GATAD2A: variants seen among roughly 807,000 people sequenced by gnomAD.
The protein encoded by GATAD2A is GATA zinc finger domain containing 2A.
GATAD2A carries 12 observed loss-of-function variants against 68.5 expected under a neutral mutation model. The ratio of observed to expected loss-of-function variants is 0.18; its 90% confidence interval spans 0.11 to 0.28. The LOEUF (loss-of-function observed/expected upper bound fraction) is 0.28. GATAD2A is among the 10% of genes least tolerant of loss of function. The pLI, the probability that GATAD2A is intolerant of heterozygous loss-of-function variation, is 1.00. For missense variants in GATAD2A, 755 were observed against 868.5 expected (o/e 0.87, Z 1.64); for synonymous variants, 410 against 375.3 (o/e 1.09, Z -1.07).
At chr19:19,453,395 C>G (rs1866718783) in intron 1 of GATAD2A, among the ~76,000 whole-genome samples, 1 of 152,310 alleles carries the variant, frequency 6.6e-6, no homozygotes, top group South Asian at 2.1e-4. Flanking sequence ...AGCAAGCTGT[C>G]TTGTCTGCAC....
At chr19:19,425,599 C>G (rs2052980959) in intron 1 of GATAD2A, among the ~76,000 whole-genome samples, 1 of 152,160 alleles carries the variant, frequency 6.6e-6, no homozygotes, top group African/African-American at 2.4e-5. Flanking sequence ...AATGCCCGCT[C>G]TCTTGTTCCA....
chr19:19,388,276 C>T (rs1260184286), intron 1 of GATAD2A, among the ~76,000 whole-genome samples: 1 of 152,020 alleles, frequency 6.6e-6, no homozygotes, highest in Non-Finnish European at 1.5e-5. Context: ...AGGGTGGTCT[C>T]GAACTCCCAA....
intron 2 of GATAD2A, among the ~76,000 whole-genome samples, chr19:19,475,700 G>A (rs1488233636): frequency 1.2e-4 from 19 of 152,152 alleles, no homozygotes; most frequent in Admixed American, 1.2e-3. Flanking sequence ...AATCTGTTTT[G>A]TGCTCCCTTC....
At chr19:19,496,299 A>G (rs2060143962) in intron 7 of GATAD2A, 80 bp downstream of exon 7, 1 of 1,303,694 alleles carries the variant, frequency 7.7e-7, no homozygotes, top group Admixed American at 1.7e-5. Context: ...GTTCTGGGGC[A>G]CAGTAGTGTT....
At chr19:19,496,593 T>C (rs1256300575) in intron 7 of GATAD2A, among the ~76,000 whole-genome samples, 1 of 152,188 alleles carries the variant, frequency 6.6e-6, no homozygotes. Context: ...GGCCCGGAGA[T>C]GCCTTGGGGG....
rs1364446709 is a variant in GATAD2A at position 19,406,538 on chromosome 19, A to T, written c.-7+519A>T. ...ACGCCTGGAGGGCCGGCCCTCCCCC[A>T]GCTCGCGCCCTTCCTGCCTAACCCC... On this transcript the variant is annotated intron_variant, in intron 1 of 11. Coordinates refer to ENST00000683918, the MANE Select transcript of GATAD2A (RefSeq NM_001384528.1). Among the ~76,000 whole-genome samples the T allele has an allele frequency of 4.6e-5, 7 of 152,006 alleles. 1 individual carries two copies. Among genetic ancestry groups the T allele is most frequent in the Admixed American group, 3.9e-4 (6 of 15,276 alleles).
chr19:19,465,722 T>G, intron 2 of GATAD2A, 108 bp downstream of exon 2: 24 of 1,302,670 alleles, frequency 1.8e-5, no homozygotes, highest in Non-Finnish European at 2.3e-5. Flanking sequence ...TTGGCGGGGT[T>G]GTGGAGAGGG....
At chr19:19,422,998 A>T (rs887770265) in intron 1 of GATAD2A, among the ~76,000 whole-genome samples, 2 of 152,054 alleles carry the variant, frequency 1.3e-5, no homozygotes, top group African/African-American at 4.8e-5. Context: ...GGCGTGAGCC[A>T]CTGCGCCCGG....
intron 1 of GATAD2A, among the ~76,000 whole-genome samples, chr19:19,422,255 A>G (rs903336074): frequency 3.9e-5 from 6 of 152,162 alleles, no homozygotes; most frequent in African/African-American, 1.4e-4. Flanking sequence ...AGCATATTTC[A>G]AGGCTCTGGG....
chr19:19,480,165 G>T (rs1330088648), intron 2 of GATAD2A, among the ~76,000 whole-genome samples: 3 of 152,128 alleles, frequency 2.0e-5, no homozygotes, highest in Non-Finnish European at 4.4e-5. Flanking sequence ...TGAATTGTCT[G>T]CATAAATTAT....
chr19:19,486,212 C>A lies in GATAD2A; in HGVS notation c.270-6094C>A, dbSNP rs137965558. On this transcript the variant is annotated intron_variant, in intron 2 of 11. Transcript: ENST00000683918. ...GCTCTGTAATGGGCTCCCACTCTTTCCTCAGAAAGCTGTCAGGTCAGGCAG... is the reference window on the plus strand; with the variant it reads ...GCTCTGTAATGGGCTCCCACTCTTTACTCAGAAAGCTGTCAGGTCAGGCAG... 2.3e-4 allele frequency among the ~76,000 whole-genome samples: 35 copies of A among 152,348 alleles called. 1 individual carries two copies. Among genetic ancestry groups the A allele is most frequent in the African/African-American group, 7.7e-4 (32 of 41,574 alleles).
chr19:19,425,395 C>T (rs2052958860), intron 1 of GATAD2A, among the ~76,000 whole-genome samples: 1 of 152,110 alleles, frequency 6.6e-6, no homozygotes, highest in African/African-American at 2.4e-5. Context: ...TAGAGTCATC[C>T]CAAGAGGACT....
At chr19:19,491,308 C>T (rs1055818622) in intron 2 of GATAD2A, among the ~76,000 whole-genome samples, 3 of 152,116 alleles carry the variant, frequency 2.0e-5, no homozygotes, top group Non-Finnish European at 4.4e-5. Context: ...CCCGATTGTC[C>T]CCTGGTGCTT....
At chr19:19,388,267 G>A (rs1214324621) in intron 1 of GATAD2A, among the ~76,000 whole-genome samples, 3 of 152,054 alleles carry the variant, frequency 2.0e-5, no homozygotes, top group Non-Finnish European at 4.4e-5. Context: ...ATGTGGGTCA[G>A]GGTGGTCTCG....
At chr19:19,466,200 G>C (rs1397861750) in intron 2 of GATAD2A, among the ~76,000 whole-genome samples, 2 of 152,214 alleles carry the variant, frequency 1.3e-5, no homozygotes, top group Non-Finnish European at 2.9e-5. Flanking sequence ...CCTTTTATGA[G>C]TCTCTTAAGG....
intron 1 of GATAD2A, among the ~76,000 whole-genome samples, chr19:19,456,560 T>A (rs186008843): frequency 1.3e-5 from 2 of 152,338 alleles, no homozygotes; most frequent in East Asian, 3.9e-4. Flanking sequence ...CTAACCCTTA[T>A]GTCCATAAGC....
chr19:19,406,249 C>CGGGGT (rs901859370), intron 1 of GATAD2A, among the ~76,000 whole-genome samples: 4 of 151,848 alleles, frequency 2.6e-5, no homozygotes, highest in Non-Finnish European at 5.9e-5. Context: ...GGGGGCCGGG[C>CGGGGT]GGGGGTCCCG....
At chr19:19,439,082 G>A (rs1286820880) in intron 1 of GATAD2A, among the ~76,000 whole-genome samples, 1 of 152,218 alleles carries the variant, frequency 6.6e-6, no homozygotes, top group African/African-American at 2.4e-5. Flanking sequence ...ACAGTGGAGG[G>A]AGCAGGGCCG....
At chr19:19,488,095 T>TA (rs1174452797) in intron 2 of GATAD2A, among the ~76,000 whole-genome samples, 1 of 152,180 alleles carries the variant, frequency 6.6e-6, no homozygotes, top group Non-Finnish European at 1.5e-5. Flanking sequence ...CTTGCTGAAA[T>TA]ACAGACTTTG....
Sources: allele counts gnomAD v4.1 joint callset (sites outside exome capture counted in the v4.1 genomes callset), GRCh38; gene constraint gnomAD v4.1.1; transcripts MANE v1.5; gene names NCBI Gene and HGNC (gene_info 2026-07-23, HGNC 2026-07-21).